The following AFF1 variants were observed in gnomAD, a reference collection of about 807,000 sequenced individuals.
AFF1 encodes the protein ALF transcription elongation factor 1, also known as AF4/FMR2 family member 1.
Under a neutral mutation model 121.7 loss-of-function variants are expected in AFF1, and 48 were observed. That is an observed-to-expected ratio of 0.39 (90% confidence interval 0.31 to 0.50). The LOEUF is 0.50. AFF1 is among the 20% of genes least tolerant of loss of function. The pLI is 0.76. For synonymous variants in AFF1, 613 were observed against 563.0 expected (o/e 1.09, Z -1.26); for missense variants, 1,523 against 1,511.7 (o/e 1.01, Z -0.12).
intron 2 of AFF1, among the ~76,000 whole-genome samples, chr4:87,025,731 C>G (rs1044427493): frequency 6.6e-6 from 1 of 152,182 alleles, no homozygotes; most frequent in African/African-American, 2.4e-5. Flanking sequence ...CAGCCCCACC[C>G]TAAGAATTAC....
In AFF1 at chr4:86,990,804, TATTA is replaced by T. The variant is rs1205108895; in HGVS notation, c.38+42234_38+42237del. Among the ~76,000 whole-genome samples, 4 of 152,356 alleles carry T rather than the reference TATTA, an allele frequency of 2.6e-5. No individual in the cohort carries two copies. The South Asian group carries it at 6.2e-4, about 24-fold the overall frequency. On this transcript the variant is annotated intron_variant, in intron 2 of 20. Coordinates refer to ENST00000395146, the MANE Select transcript of AFF1 (RefSeq NM_001166693.3). ...ACTGTTTGGGTGGAAAATATTTATTTATTATTTTATTTTGTTCCCTCAGCTGTGA... is the reference window on the plus strand; with the variant it reads ...ACTGTTTGGGTGGAAAATATTTATTTTTTTATTTTGTTCCCTCAGCTGTGA...
chr4:86,943,845 C>G (rs1337337784), intron 1 of AFF1, among the ~76,000 whole-genome samples: 1 of 151,920 alleles, frequency 6.6e-6, no homozygotes, highest in Non-Finnish European at 1.5e-5. Context: ...GCCTGTAATC[C>G]CAGCTACTCG....
chr4:87,096,003 TA>T (rs1408990401), intron 8 of AFF1, among the ~76,000 whole-genome samples: 1 of 152,188 alleles, frequency 6.6e-6, no homozygotes, highest in Non-Finnish European at 1.5e-5. Flanking sequence ...TGCTATGGAT[TA>T]TTTAAAAAAC....
At chr4:87,047,786 T>A in intron 4 of AFF1, 192 bp downstream of exon 4, 4 of 787,672 alleles carry the variant, frequency 5.1e-6, no homozygotes, top group Non-Finnish European at 8.7e-6. Context: ...ATTATAGATA[T>A]TGAAATGCAG....
chr4:87,092,726 A>G (rs1578234060), intron 7 of AFF1, among the ~76,000 whole-genome samples: 1 of 152,342 alleles, frequency 6.6e-6, no homozygotes, highest in Non-Finnish European at 1.5e-5. Flanking sequence ...AAGATCTTGC[A>G]AAGAAGTCAT....
At chr4:87,067,025 A>C (rs1721429773) in intron 4 of AFF1, among the ~76,000 whole-genome samples, 1 of 152,238 alleles carries the variant, frequency 6.6e-6, no homozygotes, top group African/African-American at 2.4e-5. Flanking sequence ...AGATTGTACT[A>C]TACAATTATT....
At chr4:87,068,369 A>G (rs978890623) in intron 4 of AFF1, among the ~76,000 whole-genome samples, 3 of 151,486 alleles carry the variant, frequency 2.0e-5, no homozygotes, top group Non-Finnish European at 2.9e-5. Flanking sequence ...TGTTAACTAG[A>G]TGAGATTTTT....
chr4:87,067,638 G>C (rs1721494565), intron 4 of AFF1, among the ~76,000 whole-genome samples: 1 of 152,214 alleles, frequency 6.6e-6, no homozygotes, highest in Non-Finnish European at 1.5e-5. Flanking sequence ...GTATTACCCA[G>C]TCTTTTCTGC....
chr4:86,998,470 T>G (rs1725419935), intron 2 of AFF1, among the ~76,000 whole-genome samples: 1 of 152,234 alleles, frequency 6.6e-6, no homozygotes, highest in South Asian at 2.1e-4. Flanking sequence ...GTTTAGACAA[T>G]TTTTAAATAC....
intron 4 of AFF1, among the ~76,000 whole-genome samples, chr4:87,081,750 C>T (rs1358712772): frequency 6.6e-6 from 1 of 152,152 alleles, no homozygotes; most frequent in East Asian, 1.9e-4. Context: ...GGAAGATTAA[C>T]AGTAAATTAA....
At chr4:87,006,614 G>T (rs951890648) in intron 2 of AFF1, among the ~76,000 whole-genome samples, 2 of 152,220 alleles carry the variant, frequency 1.3e-5, no homozygotes, top group South Asian at 4.1e-4. Context: ...CAAAAGTAGC[G>T]AACGTGGTTT....
In AFF1 at chr4:87,034,372, G is replaced by T. The variant is rs116549437; in HGVS notation, c.39-11794G>T. On this transcript the variant is annotated intron_variant, in intron 2 of 20. Coordinates refer to ENST00000395146, the MANE Select transcript of AFF1 (RefSeq NM_001166693.3). ...GAATGCTATAGCAAACCTGTGGAGG[G>T]CTTTCAGCAGTGGAAGGACCGCTTA... Among the ~76,000 whole-genome samples, 518 of 152,316 alleles carry T rather than the reference G, an allele frequency of 3.4e-3. 1 individual carries two copies. Among genetic ancestry groups the T allele is most frequent in the African/African-American group, 0.012 (490 of 41,562 alleles).
In AFF1 at chr4:87,134,480, C is replaced by A; in HGVS notation, c.3321C>A (p.Gly1107=). 1 of 1,598,860 alleles carries A rather than the reference C, an allele frequency of 6.3e-7. No homozygotes were observed. The highest frequency in any genetic ancestry group is 8.5e-7 in the Non-Finnish European group (1 of 1,172,888). ...CTCTTCCACCTCCCAGAAGCACAGG[C>A]ACACCATCCCCTCTTTCCCCAATGC... ...APSPCIARST[G]TPSPLSPMPS... is the part of the protein sequence containing the mutation. Residue 1107 remains glycine (G), a synonymous_variant, in exon 20 of 21, where the codon GGC becomes GGA. Transcript: ENST00000395146.
chr4:87,042,686 A>G (rs1331654767), intron 2 of AFF1, among the ~76,000 whole-genome samples: 1 of 152,258 alleles, frequency 6.6e-6, no homozygotes, highest in African/African-American at 2.4e-5. Flanking sequence ...CGTGGGTTTA[A>G]AAAAATTTTT....
intron 20 of AFF1, among the ~76,000 whole-genome samples, chr4:87,135,186 G>T (rs1729194458): frequency 6.6e-6 from 1 of 152,226 alleles, no homozygotes; most frequent in Admixed American, 6.5e-5. Flanking sequence ...GACCCTTGGA[G>T]AAATGCAAGG....
intron 2 of AFF1, among the ~76,000 whole-genome samples, chr4:86,996,324 C>T (rs1249284050): frequency 1.3e-5 from 2 of 152,072 alleles, no homozygotes; most frequent in East Asian, 1.9e-4. Flanking sequence ...CGGATGGTTG[C>T]TGTGTCTGTG....
intron 1 of AFF1, among the ~76,000 whole-genome samples, chr4:86,945,319 CTTTT>C (rs72025655): frequency 3.6e-5 from 4 of 111,692 alleles, no homozygotes; most frequent in Admixed American, 9.5e-5. Flanking sequence ...TTTTCTTTTC[CTTTT>C]TTTTTTTTTT....
At chr4:86,974,120 A>AGCAGT (rs927647789) in intron 2 of AFF1, 1 of 152,148 alleles carries the variant, frequency 6.6e-6, no homozygotes, top group Non-Finnish European at 1.5e-5. Flanking sequence ...TCTTACTTGG[A>AGCAGT]GCAGTGCTAT....
intron 2 of AFF1, among the ~76,000 whole-genome samples, chr4:87,020,381 T>C (rs565166524): frequency 6.6e-6 from 1 of 152,366 alleles, no homozygotes; most frequent in East Asian, 1.9e-4. Flanking sequence ...TCTGTATTCT[T>C]ATTTTGTCTG....
Sources: gnomAD v4.1 joint callset for allele counts (sites outside exome capture counted in the v4.1 genomes callset) on GRCh38, gnomAD v4.1.1 for gene constraint, MANE v1.5 for transcripts, NCBI Gene and HGNC (gene_info 2026-07-23, HGNC 2026-07-21) for gene names.